Variants in ANKH observed in about 807,000 individuals in gnomAD.
The protein encoded by ANKH is mineralization regulator ANKH.
In ANKH, 15 loss-of-function variants were observed where a neutral mutation model predicts 49.0. The ratio of observed to expected loss-of-function variants is 0.31; its 90% CI spans 0.20 to 0.47. ANKH has a LOEUF of 0.47. Ranked by LOEUF, ANKH falls within the 20% of genes least tolerant of loss-of-function variation. ANKH has a pLI of 1.00. For synonymous variants in ANKH, 273 were observed against 260.0 expected (o/e 1.05, Z -0.48); for missense variants, 429 against 652.0 (o/e 0.66, Z 3.72).
At chr5:14,818,573 G>A (rs149253775) in intron 1 of ANKH, among the ~76,000 whole-genome samples, 13,885 of 148,978 alleles carry the variant, frequency 0.093, 816 homozygotes, top group Admixed American at 0.12. Context: ...ACCCTGGGAG[G>A]TGGAGGTTGC....
At chr5:14,724,533 A>C (rs1737765713) in intron 8 of ANKH, 1 of 985,054 alleles carries the variant, frequency 1.0e-6, no homozygotes, top group Admixed American at 6.2e-5. Flanking sequence ...CGCCAGCTTT[A>C]CAGACAGAAG....
At position 14,713,593 on chromosome 5, in the gene ANKH, G is replaced by A; in HGVS notation, c.1216C>T (p.Leu406=). The change falls in exon 10 of 12, where the codon CTG becomes TTG. Residue 406 remains leucine (L), a synonymous_variant. Transcript: ENST00000284268. This position sits in a 1 kb window ranked among gnomAD's most constrained non-coding sequence, Gnocchi z 4.4. ...CTGGCGATGAGGACGATGATCCGCA[G>A]CACAGAGCTGGGGGCAAGGACGAAG... ...KTFVLAPSSV[L]RIIVLIASLV... 6.8e-6 allele frequency: 11 copies of A among 1,614,212 alleles called. No individual in the cohort carries two copies. Among genetic ancestry groups the A allele is most frequent in the Non-Finnish European group, 9.3e-6 (11 of 1,180,042 alleles).
intron 8 of ANKH, among the ~76,000 whole-genome samples, chr5:14,736,781 A>C (rs529468504): frequency 7.9e-5 from 12 of 152,314 alleles, no homozygotes; most frequent in African/African-American, 2.6e-4. Context: ...GCACTGCACA[A>C]AAGTGCCTGG....
chr5:14,871,730 C>T lies in ANKH; in HGVS notation c.-283G>A. ...AAAAGAGGAGGGACGGCGGCGGCGG[C>T]GGCGGCGGCAGAAGGTTCTGCTGAC... On this transcript the variant is annotated 5_prime_UTR_variant, in exon 1 of 12. Transcript: ENST00000284268. 6.5e-6 allele frequency: 1 copy of T among 154,760 alleles called. No homozygotes were observed. Among genetic ancestry groups the T allele is most frequent in the Non-Finnish European group, 1.4e-5 (1 of 73,594 alleles). The allele number at this position is 154,760 out of a possible 1,614,324, so 9.6% of individuals were successfully genotyped here. A position where few individuals can be genotyped will look rare whatever the true frequency, so the allele number is the denominator to read the frequency against.
At chr5:14,793,215 G>C (rs1740261903) in intron 1 of ANKH, among the ~76,000 whole-genome samples, 1 of 150,812 alleles carries the variant, frequency 6.6e-6, no homozygotes, top group South Asian at 2.1e-4. Flanking sequence ...CGTCAGCAGA[G>C]CCAGGCTGCC....
chr5:14,721,739 G>C (rs543719541), intron 8 of ANKH, among the ~76,000 whole-genome samples: 2 of 152,086 alleles, frequency 1.3e-5, no homozygotes, highest in South Asian at 4.2e-4. Flanking sequence ...GACCATCCTG[G>C]CTAACACGGT....
intron 1 of ANKH, among the ~76,000 whole-genome samples, chr5:14,800,815 C>T (rs977353372): frequency 2.0e-5 from 3 of 151,450 alleles, no homozygotes; most frequent in Non-Finnish European, 4.4e-5. Context: ...CAGCCTTGAC[C>T]TCCTGGGCTC....
intron 1 of ANKH, among the ~76,000 whole-genome samples, chr5:14,776,465 A>C (rs1427123151): frequency 1.3e-5 from 2 of 152,194 alleles, no homozygotes; most frequent in Non-Finnish European, 2.9e-5. Context: ...AGATAGGAAA[A>C]AAGAGTCCAC....
At chr5:14,817,458 T>C (rs577699274) in intron 1 of ANKH, among the ~76,000 whole-genome samples, 2 of 152,286 alleles carry the variant, frequency 1.3e-5, no homozygotes, top group South Asian at 4.1e-4. Flanking sequence ...TACCATGAGA[T>C]GGATGAGATG....
At chr5:14,753,043 G>A (rs572350035) in intron 4 of ANKH, among the ~76,000 whole-genome samples, 6 of 152,294 alleles carry the variant, frequency 3.9e-5, no homozygotes, top group African/African-American at 9.6e-5. Context: ...CAGGGAACAG[G>A]TTCCTGAGGA....
At chr5:14,820,832 T>C (rs1472136800) in intron 1 of ANKH, among the ~76,000 whole-genome samples, 1 of 152,222 alleles carries the variant, frequency 6.6e-6, no homozygotes, top group Non-Finnish European at 1.5e-5. Context: ...GTGCAGTGGC[T>C]TATGCCTGTA....
At chr5:14,812,761 T>C (rs547251653) in intron 1 of ANKH, among the ~76,000 whole-genome samples, 2 of 152,324 alleles carry the variant, frequency 1.3e-5, no homozygotes, top group Admixed American at 1.3e-4. Context: ...AAGTCTTCCT[T>C]ACAGTTTTAG....
At chr5:14,834,855 A>G (rs1741609188) in intron 1 of ANKH, among the ~76,000 whole-genome samples, 1 of 152,172 alleles carries the variant, frequency 6.6e-6, no homozygotes, top group Admixed American at 6.5e-5. Flanking sequence ...AAAGAAGATA[A>G]TAACAGTGGC....
chr5:14,718,834 C>T (rs1313882658), intron 8 of ANKH, among the ~76,000 whole-genome samples: 4 of 144,354 alleles, frequency 2.8e-5, no homozygotes, highest in African/African-American at 1.0e-4. Flanking sequence ...ACACCACCCC[C>T]CCCCCAAAAA....
At position 14,769,280 on chromosome 5, in the gene ANKH, C is replaced by T. The variant is rs867557988; in HGVS notation, c.97-89G>A. ...CTCTAAGATGAAATTCAGCAGATCACGTTTCTATAGAAACACTAAGTAGCT... is the reference window on the plus strand; with the variant it reads ...CTCTAAGATGAAATTCAGCAGATCATGTTTCTATAGAAACACTAAGTAGCT... On this transcript the variant is annotated intron_variant, in intron 1 of 11. Transcript: ENST00000284268. The T allele has an allele frequency of 5.5e-5, 62 of 1,121,942 alleles. No individual in the cohort carries two copies. The Middle Eastern group carries it at 1.6e-3, about 30-fold the overall frequency. The allele number at this position is 1,121,942 out of a possible 1,614,324, so 69.5% of individuals were successfully genotyped here.
intron 1 of ANKH, among the ~76,000 whole-genome samples, chr5:14,823,652 C>A (rs539598224): frequency 6.6e-6 from 1 of 152,170 alleles, no homozygotes; most frequent in African/African-American, 2.4e-5. Context: ...TTTGGCAGGG[C>A]GCGGTTGCTG....
At chr5:14,767,919 A>T (rs1739305966) in intron 2 of ANKH, among the ~76,000 whole-genome samples, 1 of 152,232 alleles carries the variant, frequency 6.6e-6, no homozygotes, top group Non-Finnish European at 1.5e-5. Flanking sequence ...TGAGGAAATG[A>T]GAGGCAGCTC....
chr5:14,811,811 T>C (rs1351006617), intron 1 of ANKH, among the ~76,000 whole-genome samples: 1 of 152,164 alleles, frequency 6.6e-6, no homozygotes, highest in Non-Finnish European at 1.5e-5. Flanking sequence ...AAATTAGCCA[T>C]GGGGGCAAGG....
chr5:14,741,580 C>A, intron 8 of ANKH: 1 of 487,526 alleles, frequency 2.1e-6, no homozygotes. Flanking sequence ...TAAAGGCAAC[C>A]TCTTCCTTTC....
Sources: gnomAD v4.1 joint callset for allele counts (sites outside exome capture counted in the v4.1 genomes callset) on GRCh38, gnomAD v4.1.1 for gene constraint, Gnocchi (gnomAD v3.1) non-coding constraint, MANE v1.5 for transcripts, NCBI Gene and HGNC (gene_info 2026-07-23, HGNC 2026-07-21) for gene names.